The following CSMD3 variants were observed in gnomAD, a reference collection of about 807,000 sequenced individuals.
The protein encoded by CSMD3 is CUB and Sushi multiple domains 3, also known as CUB and sushi domain-containing protein 3.
CSMD3 carries 177 observed loss-of-function variants against 435.2 expected under a neutral mutation model. The ratio of observed to expected loss-of-function variants is 0.41; its 90% CI spans 0.36 to 0.46. The LOEUF (loss-of-function observed/expected upper bound fraction) is 0.46. Among genes scored for constraint, CSMD3 ranks in the 20% least tolerant of loss-of-function variants. CSMD3 has a pLI of 0.34. For synonymous variants in CSMD3, 1,656 were observed against 1,520.5 expected (o/e 1.09, Z -2.07); for missense variants, 4,265 against 4,504.6 (o/e 0.95, Z 1.52).
intron 30 of CSMD3, among the ~76,000 whole-genome samples, chr8:112,500,957 C>G (rs879795418): frequency 6.6e-6 from 1 of 152,104 alleles, no homozygotes; most frequent in Non-Finnish European, 1.5e-5. Flanking sequence ...AATGTCATAC[C>G]TGGTCAAACC....
intron 22 of CSMD3, among the ~76,000 whole-genome samples, chr8:112,603,315 A>G (rs1185583599): frequency 6.6e-6 from 1 of 152,256 alleles, no homozygotes; most frequent in East Asian, 1.9e-4. Flanking sequence ...TATCTGAGAA[A>G]TTACACAAAT....
At chr8:113,350,782 C>A (rs964550677) in intron 1 of CSMD3, among the ~76,000 whole-genome samples, 1 of 152,080 alleles carries the variant, frequency 6.6e-6, no homozygotes, top group African/African-American at 2.4e-5. Context: ...AAGTCCATGT[C>A]GGACAGCATG....
At chr8:112,669,409 C>A (rs1003992262) in intron 16 of CSMD3, among the ~76,000 whole-genome samples, 3 of 151,908 alleles carry the variant, frequency 2.0e-5, no homozygotes, top group South Asian at 2.1e-4. Context: ...CTAAAAAAAA[C>A]AAAAAGTTAT....
intron 5 of CSMD3, among the ~76,000 whole-genome samples, chr8:113,069,641 AG>A (rs981487281): frequency 3.3e-5 from 5 of 152,108 alleles, no homozygotes; most frequent in Non-Finnish European, 5.9e-5. Context: ...AAAGTGCCTT[AG>A]AAGAAAGATT....
Position 112,500,801 on chromosome 8 carries a change from G to T in CSMD3, c.5083+2989C>A, listed in dbSNP as rs1344864441. On this transcript the variant is annotated intron_variant, in intron 30 of 70. Coordinates refer to ENST00000297405, the MANE Select transcript of CSMD3 (RefSeq NM_198123.2). ...ATAGGAAAAGGCTACCTGGGACTAG[G>T]CATGTCCAAAATGGGGGCTTCATCT... 2.6e-5 allele frequency among the ~76,000 whole-genome samples: 4 copies of T among 152,246 alleles called. No homozygotes were observed. In the East Asian group the frequency reaches 7.7e-4, roughly 29 times the overall value.
intron 7 of CSMD3, among the ~76,000 whole-genome samples, chr8:112,956,985 C>T (rs995786657): frequency 1.3e-5 from 2 of 151,598 alleles, no homozygotes; most frequent in Admixed American, 6.6e-5. Context: ...TTTAAATTCA[C>T]AAAAAATTTA....
At chr8:112,411,496 A>C (rs1341574229) in intron 32 of CSMD3, among the ~76,000 whole-genome samples, 1 of 151,980 alleles carries the variant, frequency 6.6e-6, no homozygotes, top group East Asian at 1.9e-4. Context: ...TTTCACCAGA[A>C]AAAAAGTTAC....
chr8:112,432,344 C>T (rs1458785245), intron 32 of CSMD3, among the ~76,000 whole-genome samples: 1 of 152,038 alleles, frequency 6.6e-6, no homozygotes, highest in Non-Finnish European at 1.5e-5. Context: ...TGCTTTGTTG[C>T]CCAGTCTGGA....
At chr8:113,384,572 C>T (rs1036250272) in intron 1 of CSMD3, among the ~76,000 whole-genome samples, 5 of 152,074 alleles carry the variant, frequency 3.3e-5, no homozygotes, top group East Asian at 3.9e-4. Context: ...GGCATAGGTT[C>T]GCTGAAAGGA....
rs185339236 is a variant in CSMD3, at chr8:112,519,041, C to T, written c.4565-1816G>A. 8.2e-4 allele frequency among the ~76,000 whole-genome samples: 125 copies of T among 152,172 alleles called. 1 individual carries two copies. The highest frequency in any genetic ancestry group is 2.8e-3 in the African/African-American group (115 of 41,524). On this transcript the variant is annotated intron_variant, in intron 27 of 70. Coordinates refer to ENST00000297405, the MANE Select transcript of CSMD3 (RefSeq NM_198123.2). ...TGATTCAATCACCTCCCACCAAGCC[C>T]CTCCACTGACATGTGGGGATTACAA...
intron 38 of CSMD3, among the ~76,000 whole-genome samples, chr8:112,357,563 G>A (rs1448231576): frequency 6.6e-6 from 1 of 152,198 alleles, no homozygotes; most frequent in Non-Finnish European, 1.5e-5. Flanking sequence ...GGTCTTCATG[G>A]CAGCCCCTCC....
chr8:113,248,115 C>T (rs752301092), intron 3 of CSMD3, among the ~76,000 whole-genome samples: 1 of 151,834 alleles, frequency 6.6e-6, no homozygotes, highest in Non-Finnish European at 1.5e-5. Flanking sequence ...ATCAACTGGA[C>T]TTGTGAAGTA....
intron 32 of CSMD3, among the ~76,000 whole-genome samples, chr8:112,448,618 C>T (rs1307375803): frequency 6.6e-6 from 1 of 152,228 alleles, no homozygotes; most frequent in Admixed American, 6.5e-5. Context: ...CCAGATGATA[C>T]ATTGATTTTG....
chr8:112,592,022 A>T (rs527927311), intron 22 of CSMD3, among the ~76,000 whole-genome samples: 41 of 152,160 alleles, frequency 2.7e-4, no homozygotes, highest in African/African-American at 9.6e-4. Flanking sequence ...TTAGTTTTTT[A>T]AAATGGGGCA....
chr8:112,383,436 C>T (rs1240492617), intron 37 of CSMD3, 131 bp downstream of exon 37: 2 of 649,600 alleles, frequency 3.1e-6, no homozygotes, highest in Admixed American at 2.6e-5. Flanking sequence ...AAACTTCAGT[C>T]CTTGTATCTT....
At chr8:113,038,797 G>T (rs1373631748) in intron 5 of CSMD3, among the ~76,000 whole-genome samples, 4 of 152,104 alleles carry the variant, frequency 2.6e-5, no homozygotes, top group Non-Finnish European at 5.9e-5. Flanking sequence ...TTTGCCTCTG[G>T]ATTTCCCATA....
In CSMD3 at chr8:112,984,276, T is replaced by G. The variant is rs2085166058; in HGVS notation, c.1031-8128A>C. Among the ~76,000 whole-genome samples, 9 of 152,100 alleles carry G rather than the reference T, an allele frequency of 5.9e-5. No individual in the cohort carries two copies. In the South Asian group the frequency reaches 1.9e-3, roughly 32 times the overall value. On this transcript the variant is annotated intron_variant, in intron 6 of 70. Transcript: ENST00000297405. The stretch of plus-strand genomic sequence containing the variant: ...ATTTCCTTTACACAAATACCTTTCA[T>G]TTAGAGAATATAAGTAAAAAAGAAC...
At chr8:113,308,647 A>G (rs551114029) in intron 2 of CSMD3, among the ~76,000 whole-genome samples, 3 of 152,282 alleles carry the variant, frequency 2.0e-5, no homozygotes, top group East Asian at 3.9e-4. Flanking sequence ...TTTAGAACTC[A>G]TATTTCTGTA....
At chr8:113,368,980 T>C (rs2094330817) in intron 1 of CSMD3, among the ~76,000 whole-genome samples, 2 of 152,054 alleles carry the variant, frequency 1.3e-5, no homozygotes, top group African/African-American at 4.8e-5. Context: ...AACAACTGCA[T>C]TGAAATATAA....
Sources: gnomAD v4.1 joint callset for allele counts (sites outside exome capture counted in the v4.1 genomes callset) on GRCh38, gnomAD v4.1.1 for gene constraint, MANE v1.5 for transcripts, NCBI Gene and HGNC (gene_info 2026-07-23, HGNC 2026-07-21) for gene names.